The following NRDC variants were observed in gnomAD, a reference collection of about 807,000 sequenced individuals.
NRDC encodes the protein nardilysin convertase.
Under a neutral mutation model 147.1 loss-of-function variants are expected in NRDC, and 54 were observed. The observed-to-expected ratio is 0.37, with a 90% CI of 0.29 to 0.46. The LOEUF (loss-of-function observed/expected upper bound fraction) is 0.46. Among genes scored for constraint, NRDC ranks in the 20% least tolerant of loss-of-function variants. The probability of loss-of-function intolerance (pLI) is 1.00; values close to 1 mark genes in which losing one functional copy is unlikely to be tolerated. For synonymous variants in NRDC, 440 were observed against 482.1 expected, an observed-to-expected ratio of 0.91 and a Z score of 1.14; for missense variants, 1,082 against 1,370.6, an observed-to-expected ratio of 0.79 and a Z score of 3.33.
intron 26 of NRDC, 107 bp from the exon 27 acceptor site, chr1:51,791,768 C>G (rs1261504793): frequency 2.5e-5 from 23 of 915,018 alleles, no homozygotes; most frequent in Non-Finnish European, 3.6e-5. Context: ...CTTATTGGAA[C>G]TGGAAGTCCT....
At chr1:51,794,387 T>C in intron 24 of NRDC, 85 bp downstream of exon 24, 1 of 1,338,164 alleles carries the variant, frequency 7.5e-7, no homozygotes, top group Non-Finnish European at 1.0e-6. Context: ...ACTACAGAAG[T>C]AACTATAAAA....
At chr1:51,854,250 C>T (rs1402667309) in intron 1 of NRDC, among the ~76,000 whole-genome samples, 1 of 152,150 alleles carries the variant, frequency 6.6e-6, no homozygotes, top group Non-Finnish European at 1.5e-5. Flanking sequence ...CACCTGTAGT[C>T]CCAGCTACTC....
intron 9 of NRDC, 152 bp downstream of exon 9, chr1:51,819,648 T>C (rs1680124897): frequency 1.7e-6 from 1 of 599,902 alleles, no homozygotes; most frequent in Admixed American, 3.1e-5. Flanking sequence ...TATCTATTAT[T>C]AATTAGATCT....
chr1:51,804,255 G>T (rs1447907243), intron 19 of NRDC, among the ~76,000 whole-genome samples: 1 of 152,172 alleles, frequency 6.6e-6, no homozygotes, highest in Non-Finnish European at 1.5e-5. Context: ...CTGGCCTGAA[G>T]GCTCTGTCTA....
At chr1:51,856,415 T>A (rs1368907155) in intron 1 of NRDC, among the ~76,000 whole-genome samples, 1 of 152,120 alleles carries the variant, frequency 6.6e-6, no homozygotes. Flanking sequence ...CAGTTTCAAG[T>A]CCAGACCTCT....
intron 1 of NRDC, among the ~76,000 whole-genome samples, chr1:51,867,231 A>G (rs1440566622): frequency 6.6e-6 from 1 of 152,232 alleles, no homozygotes; most frequent in African/African-American, 2.4e-5. Flanking sequence ...TAACAAGCCA[A>G]AGGAGAAAAG....
At chr1:51,831,548 G>A (rs1680708623) in intron 4 of NRDC, among the ~76,000 whole-genome samples, 1 of 151,722 alleles carries the variant, frequency 6.6e-6, no homozygotes, top group Non-Finnish European at 1.5e-5. Flanking sequence ...ATCATCTCAG[G>A]CATCATTTGC....
chr1:51,877,642 A>G (rs2124165294), intron 1 of NRDC, among the ~76,000 whole-genome samples: 1 of 152,340 alleles, frequency 6.6e-6, no homozygotes, highest in African/African-American at 2.4e-5. Flanking sequence ...GTACAAACCA[A>G]AAGTAGAGAA....
At chr1:51,803,650 T>C (rs765628974) in intron 20 of NRDC, among the ~76,000 whole-genome samples, 164 bp downstream of exon 20, 2 of 152,248 alleles carry the variant, frequency 1.3e-5, no homozygotes, top group Non-Finnish European at 2.9e-5. Context: ...GTTGTTCTTA[T>C]GGATAGTCAG....
At chr1:51,792,239 T>G in intron 25 of NRDC, 138 bp downstream of exon 25, 1 of 1,330,604 alleles carries the variant, frequency 7.5e-7, no homozygotes, top group East Asian at 2.3e-5. Flanking sequence ...TTATACTGGG[T>G]GAGAACAGTA....
rs530682479 is a variant in NRDC at position 51,827,038 on chromosome 1, G to A, written c.940+758C>T. On this transcript the variant is annotated intron_variant, in intron 5 of 30. Coordinates refer to ENST00000352171, the MANE Select transcript of NRDC (RefSeq NM_001101662.2). ...CTGGGTTTAAGGTAAAACAGACACT[G>A]TGGTAGGCAAGTAAAAAAATAAAGA... Among the ~76,000 whole-genome samples the A allele has an allele frequency of 1.1e-4, 17 of 152,308 alleles. No individual in the cohort carries two copies. In the South Asian group the frequency reaches 3.5e-3, roughly 32 times the overall value.
intron 19 of NRDC, among the ~76,000 whole-genome samples, chr1:51,805,075 C>A (rs191146453): frequency 6.6e-6 from 1 of 152,330 alleles, no homozygotes; most frequent in African/African-American, 2.4e-5. Flanking sequence ...TTCAGATACA[C>A]TTTAGGGTCT....
chr1:51,872,602 C>CCAAGGTGGGGAGGATGGCTTG (rs1553221806), intron 1 of NRDC, among the ~76,000 whole-genome samples: 3 of 151,998 alleles, frequency 2.0e-5, no homozygotes, highest in African/African-American at 4.8e-5. Flanking sequence ...ACTTAGGAGG[C>CCAAGGTGGGGAGGATGGCTTG]CAAGGTGGGG....
chr1:51,853,192 T>C (rs2124012110), intron 1 of NRDC, among the ~76,000 whole-genome samples: 2 of 151,686 alleles, frequency 1.3e-5, no homozygotes, highest in East Asian at 3.9e-4. Flanking sequence ...CACTCCAGCC[T>C]GGGTGACAGA....
intron 1 of NRDC, among the ~76,000 whole-genome samples, chr1:51,856,459 T>G (rs1682246443): frequency 6.6e-6 from 1 of 152,176 alleles, no homozygotes; most frequent in African/African-American, 2.4e-5. Flanking sequence ...CAAGTTGGGG[T>G]TCCCACGACC....
chr1:51,815,177 T>TC (rs77203872), intron 11 of NRDC, among the ~76,000 whole-genome samples: 10,905 of 48,320 alleles, frequency 0.23, 494 homozygotes, highest in Middle Eastern at 0.48. Flanking sequence ...TGCTTACCTT[T>TC]TTTTCTTTTT....
chr1:51,846,595 C>T (rs1228268703), intron 1 of NRDC, among the ~76,000 whole-genome samples: 1 of 152,214 alleles, frequency 6.6e-6, no homozygotes, highest in Admixed American at 6.5e-5. Context: ...TTCTTCCTGC[C>T]TGTGGGTTCG....
intron 1 of NRDC, among the ~76,000 whole-genome samples, chr1:51,849,990 CCAA>C (rs1184948628): frequency 6.6e-6 from 1 of 150,712 alleles, no homozygotes; most frequent in African/African-American, 2.5e-5. Context: ...ATCAGCCTGC[CCAA>C]CATGGCGAAA....
rs1459716868 is a variant in NRDC, at chr1:51,860,825, G to C, written c.341+17450C>G. 3.3e-5 allele frequency among the ~76,000 whole-genome samples: 5 copies of C among 151,988 alleles called. No homozygotes were observed. In the East Asian group the frequency reaches 9.6e-4, roughly 29 times the overall value. ...AGAATATTACAAGAGAGATAGTGTG[G>C]GACACTATCAGCCTTAAAAACATCT... On this transcript the variant is annotated intron_variant, in intron 1 of 30. Coordinates refer to ENST00000352171, the MANE Select transcript of NRDC (RefSeq NM_001101662.2).
Sources: gnomAD v4.1 joint callset for allele counts (sites outside exome capture counted in the v4.1 genomes callset) on GRCh38, gnomAD v4.1.1 for gene constraint, MANE v1.5 for transcripts, NCBI Gene and HGNC (gene_info 2026-07-23, HGNC 2026-07-21) for gene names.